Variants in CSMD1 observed in about 807,000 individuals in gnomAD.
CSMD1 encodes the protein CUB and sushi domain-containing protein 1.
A neutral mutation model predicts 417.5 loss-of-function variants in CSMD1; 213 were observed. That is an observed-to-expected ratio of 0.51 (90% CI 0.46 to 0.57). The LOEUF (loss-of-function observed/expected upper bound fraction) is 0.57. Ranked by LOEUF, CSMD1 falls within the 20% of genes least tolerant of loss-of-function variation. The pLI is 0.00. For synonymous variants in CSMD1, 2,862 were observed against 1,736.8 expected (o/e 1.65, Z -16.11); for missense variants, 6,923 against 4,529.7 (o/e 1.53, Z -15.17).
intron 3 of CSMD1, among the ~76,000 whole-genome samples, chr8:4,279,710 G>C (rs114591271): frequency 0.023 from 3,536 of 152,140 alleles, 151 homozygotes; most frequent in African/African-American, 0.081. Context: ...TCTTCTATTT[G>C]TCATTCATTG....
intron 7 of CSMD1, among the ~76,000 whole-genome samples, chr8:3,629,854 A>G (rs543076805): frequency 9.8e-5 from 15 of 152,346 alleles, no homozygotes; most frequent in African/African-American, 3.6e-4. Context: ...TGTCTCCACA[A>G]ACAAAACTAG....
At chr8:4,413,333 C>A (rs1245781589) in intron 3 of CSMD1, among the ~76,000 whole-genome samples, 1 of 152,110 alleles carries the variant, frequency 6.6e-6, no homozygotes, top group East Asian at 1.9e-4. Flanking sequence ...TGGGGCTGCC[C>A]AAACCAATTC....
At chr8:4,123,166 G>A (rs908578263) in intron 3 of CSMD1, among the ~76,000 whole-genome samples, 8 of 152,214 alleles carry the variant, frequency 5.3e-5, no homozygotes, top group African/African-American at 1.4e-4. Flanking sequence ...ATGCTGAGAT[G>A]TTTTTTATAA....
At chr8:3,944,879 T>G (rs1179413595) in intron 5 of CSMD1, among the ~76,000 whole-genome samples, 1 of 152,182 alleles carries the variant, frequency 6.6e-6, no homozygotes, top group East Asian at 1.9e-4. Flanking sequence ...GATTCTGGGT[T>G]GTGTTTTCTA....
chr8:3,653,852 T>C (rs998544794), intron 7 of CSMD1, among the ~76,000 whole-genome samples: 2 of 152,202 alleles, frequency 1.3e-5, no homozygotes, highest in Admixed American at 6.5e-5. Flanking sequence ...TTTATCTTCA[T>C]TTACATTCCC....
At chr8:3,461,060 G>C (rs972754748) in intron 12 of CSMD1, among the ~76,000 whole-genome samples, 1 of 152,182 alleles carries the variant, frequency 6.6e-6, no homozygotes, top group African/African-American at 2.4e-5. Flanking sequence ...GAGTTCATGT[G>C]ACACGACTCT....
At chr8:3,250,365 C>G (rs539110566) in intron 26 of CSMD1, among the ~76,000 whole-genome samples, 61 of 152,288 alleles carry the variant, frequency 4.0e-4, no homozygotes, top group African/African-American at 1.3e-3. Context: ...AGCTTCATCC[C>G]TGTCCCTACA....
intron 3 of CSMD1, among the ~76,000 whole-genome samples, chr8:4,330,090 A>T (rs1389908768): frequency 6.6e-6 from 1 of 151,960 alleles, no homozygotes; most frequent in African/African-American, 2.4e-5. Context: ...AGAGCAATGC[A>T]AGAACAGTCC....
At chr8:3,880,684 C>T (rs1317125208) in intron 5 of CSMD1, among the ~76,000 whole-genome samples, 1 of 152,156 alleles carries the variant, frequency 6.6e-6, no homozygotes, top group Non-Finnish European at 1.5e-5. Flanking sequence ...AAGCTTTGCA[C>T]ACGTTTCCCA....
At position 4,419,973 on chromosome 8, in the gene CSMD1, C is replaced by T. The variant is rs1197685931; in HGVS notation, c.395G>A (p.Gly132Asp). 1.3e-6 allele frequency: 2 copies of T among 1,582,466 alleles called. No homozygotes were observed. The change falls in exon 3 of 70, where the codon GGT (glycine) becomes GAT (aspartate). Residue 132 changes from glycine to aspartate, a missense_variant. Coordinates refer to ENST00000635120, the MANE Select transcript of CSMD1 (RefSeq NM_033225.6). Reference sequence around the variant, plus strand: ...CCTACCTTCATATAATGCTTTGAAACCTTGGGCACTCACAGCGAAGTCTGT... The same window carrying T: ...CCTACCTTCATATAATGCTTTGAAATCTTGGGCACTCACAGCGAAGTCTGT... ...FTTDFAVSAQGFKALYEVLPS... is the reference protein window; with the variant it reads ...FTTDFAVSAQDFKALYEVLPS...
At position 4,273,786 on chromosome 8, in the gene CSMD1, C is replaced by G. The variant is rs111523024; in HGVS notation, c.415+146167G>C. ...TGATTTAGCCTCTGTAAGCTTCTGTCTGCGTGTATGTCTGGTGAAACCTGT... is the reference window on the plus strand; with the variant it reads ...TGATTTAGCCTCTGTAAGCTTCTGTGTGCGTGTATGTCTGGTGAAACCTGT... On this transcript the variant is annotated intron_variant, in intron 3 of 69. Coordinates refer to ENST00000635120, the MANE Select transcript of CSMD1 (RefSeq NM_033225.6). Among the ~76,000 whole-genome samples, 418 of 152,278 alleles carry G rather than the reference C, an allele frequency of 2.7e-3. 2 individuals are homozygous for G. The highest frequency in any genetic ancestry group is 9.5e-3 in the African/African-American group (393 of 41,564).
chr8:4,117,548 T>G (rs186683863), intron 3 of CSMD1, among the ~76,000 whole-genome samples: 31 of 152,308 alleles, frequency 2.0e-4, no homozygotes, highest in African/African-American at 6.7e-4. Flanking sequence ...ACTCACTGAT[T>G]GTGACAGCTA....
Position 4,580,005 on chromosome 8 carries a change from T to C in CSMD1, c.302+57337A>G, listed in dbSNP as rs531364139. On this transcript the variant is annotated intron_variant, in intron 2 of 69. Coordinates refer to ENST00000635120, the MANE Select transcript of CSMD1 (RefSeq NM_033225.6). ...ATTTTCTTAAATACTACCATTTCCATGTGAACTGTCACATCTTTATAGTAG... is the reference window on the plus strand; with the variant it reads ...ATTTTCTTAAATACTACCATTTCCACGTGAACTGTCACATCTTTATAGTAG... Among the ~76,000 whole-genome samples the C allele has an allele frequency of 6.6e-5, 10 of 152,364 alleles. 1 individual carries two copies. Among genetic ancestry groups the C allele is most frequent in the African/African-American group, 2.4e-4 (10 of 41,592 alleles).
chr8:4,733,358 C>T (rs75760395), intron 1 of CSMD1, among the ~76,000 whole-genome samples: 1,629 of 152,264 alleles, frequency 0.011, 61 homozygotes, highest in Admixed American at 0.073. Context: ...TAACAAGAGC[C>T]TTTTACCCTA....
chr8:3,268,660 G>A (rs998266782), intron 26 of CSMD1, among the ~76,000 whole-genome samples: 6 of 152,178 alleles, frequency 3.9e-5, no homozygotes, highest in East Asian at 1.9e-4. Flanking sequence ...ATTTATTTCC[G>A]AATAACATGT....
intron 9 of CSMD1, among the ~76,000 whole-genome samples, chr8:3,577,568 A>C (rs1037009587): frequency 2.0e-5 from 3 of 152,172 alleles, no homozygotes; most frequent in Non-Finnish European, 4.4e-5. Context: ...CATTTGTTTA[A>C]CTTTGCCAAT....
intron 5 of CSMD1, among the ~76,000 whole-genome samples, chr8:3,908,782 C>A (rs998422731): frequency 2.6e-5 from 4 of 152,116 alleles, no homozygotes; most frequent in Non-Finnish European, 5.9e-5. Context: ...GCATTAGGGG[C>A]AATTCTGGAT....
chr8:4,211,204 CTT>C (rs34064207), intron 3 of CSMD1, among the ~76,000 whole-genome samples: 1 of 145,448 alleles, frequency 6.9e-6, no homozygotes, highest in Admixed American at 6.9e-5. Context: ...AGTCATTTGC[CTT>C]TTTTTTTTTA....
chr8:3,254,099 G>A (rs1456187312), intron 26 of CSMD1, among the ~76,000 whole-genome samples: 5 of 152,162 alleles, frequency 3.3e-5, no homozygotes, highest in African/African-American at 1.2e-4. Flanking sequence ...GCATTTGCTT[G>A]TCTGTAAAGG....
Sources: gnomAD v4.1 joint callset for allele counts (sites outside exome capture counted in the v4.1 genomes callset) on GRCh38, gnomAD v4.1.1 for gene constraint, MANE v1.5 for transcripts, NCBI Gene and HGNC (gene_info 2026-07-23, HGNC 2026-07-21) for gene names.